Variants in TGFBR2 observed in about 807,000 individuals in gnomAD.
TGFBR2 encodes TGF-beta receptor type-2.
In TGFBR2, 18 loss-of-function variants were observed where a neutral mutation model predicts 49.0. The observed-to-expected ratio is 0.37, with a 90% CI of 0.25 to 0.54. The LOEUF (loss-of-function observed/expected upper bound fraction) is 0.54. TGFBR2 is among the 20% of genes least tolerant of loss of function. The pLI is 0.85. For missense variants in TGFBR2, 525 were observed against 722.6 expected, an observed-to-expected ratio of 0.73 and a Z score of 3.13; for synonymous variants, 282 against 275.9, an observed-to-expected ratio of 1.02 and a Z score of -0.22.
intron 3 of TGFBR2, 109 bp downstream of exon 3, chr3:30,650,569 G>A (rs910731706): frequency 1.7e-6 from 2 of 1,204,238 alleles, no homozygotes; most frequent in Non-Finnish European, 2.4e-6. Context: ...ATTGCATACA[G>A]TGGATTAGGA....
At chr3:30,669,071 T>C (rs1575156283) in intron 3 of TGFBR2, among the ~76,000 whole-genome samples, 1 of 123,922 alleles carries the variant, frequency 8.1e-6, no homozygotes, top group South Asian at 2.5e-4. Context: ...AGGTCAGGAG[T>C]TCAAGACCAG....
chr3:30,678,166 A>G (rs1053753051), intron 5 of TGFBR2, among the ~76,000 whole-genome samples: 1 of 152,094 alleles, frequency 6.6e-6, no homozygotes, highest in Admixed American at 6.6e-5. Flanking sequence ...TTGTGGGATC[A>G]TGGATCAGGG....
chr3:30,651,144 T>G (rs1332133072), intron 3 of TGFBR2, among the ~76,000 whole-genome samples: 1 of 152,216 alleles, frequency 6.6e-6, no homozygotes, highest in Non-Finnish European at 1.5e-5. Context: ...ATTCCCTCAA[T>G]TTTTAATAAG....
chr3:30,639,118 A>G (rs1191644712), intron 1 of TGFBR2, among the ~76,000 whole-genome samples: 1 of 152,226 alleles, frequency 6.6e-6, no homozygotes, highest in East Asian at 1.9e-4. Context: ...ATTTAATTTC[A>G]CTAACTCCAA....
intron 1 of TGFBR2, among the ~76,000 whole-genome samples, chr3:30,620,760 T>C (rs1442275943): frequency 6.6e-6 from 1 of 152,168 alleles, no homozygotes; most frequent in African/African-American, 2.4e-5. Flanking sequence ...TTTCTCTTTA[T>C]GAGTCATAGA....
At chr3:30,656,645 A>G (rs2125416750) in intron 3 of TGFBR2, among the ~76,000 whole-genome samples, 1 of 152,322 alleles carries the variant, frequency 6.6e-6, no homozygotes, top group South Asian at 2.1e-4. Flanking sequence ...GAAGGGAGGC[A>G]TGCTGCTGGA....
intron 1 of TGFBR2, among the ~76,000 whole-genome samples, chr3:30,628,549 T>C: frequency 6.7e-6 from 1 of 148,384 alleles, no homozygotes; most frequent in Non-Finnish European, 1.5e-5. Context: ...TTTTTTTTTT[T>C]TTTTCTCTAA....
At chr3:30,660,057 T>A (rs895864404) in intron 3 of TGFBR2, among the ~76,000 whole-genome samples, 2 of 152,198 alleles carry the variant, frequency 1.3e-5, no homozygotes, top group Non-Finnish European at 2.9e-5. Context: ...GTGGAAAATA[T>A]CAATTTTGCC....
intron 5 of TGFBR2, 29 bp downstream of exon 5, chr3:30,674,275 T>G (rs1420411967): frequency 6.2e-7 from 1 of 1,613,618 alleles, no homozygotes; most frequent in African/African-American, 1.3e-5. Context: ...CATTGTGTAG[T>G]GGTAAACTTG....
Position 30,631,242 on chromosome 3 carries a change from A to G in TGFBR2, c.95-13505A>G, listed in dbSNP as rs578122884. ...TTTTTAGTAGAGACGGGGTTTCGCC[A>G]TATTGGCCAGGATGGTCTTGATTTC... On this transcript the variant is annotated intron_variant, in intron 1 of 6. Coordinates refer to ENST00000295754, the MANE Select transcript of TGFBR2 (RefSeq NM_003242.6). Among the ~76,000 whole-genome samples, 5 of 152,048 alleles carry G rather than the reference A, an allele frequency of 3.3e-5. No homozygotes were observed. The South Asian group carries it at 8.3e-4, about 25-fold the overall frequency.
At chr3:30,614,115 C>T (rs979905471) in intron 1 of TGFBR2, among the ~76,000 whole-genome samples, 43 of 120,592 alleles carry the variant, frequency 3.6e-4, no homozygotes, top group Admixed American at 4.3e-4. Flanking sequence ...TTTTTCTTTC[C>T]TTTTTTTTTT....
chr3:30,664,070 G>A lies in TGFBR2; in HGVS notation c.455-7568G>A, dbSNP rs182123921. Among the ~76,000 whole-genome samples, 390 of 151,912 alleles carry A rather than the reference G, an allele frequency of 2.6e-3. 2 individuals are homozygous for A. The highest frequency in any genetic ancestry group is 9.0e-3 in the African/African-American group (373 of 41,430). On this transcript the variant is annotated intron_variant, in intron 3 of 6. Transcript: ENST00000295754. ...CACCATTATAGCTCACTGCAGTCTT[G>A]AACTTCTGGGCTCGTGATCCTCCTG...
At chr3:30,624,671 A>G (rs551266589) in intron 1 of TGFBR2, among the ~76,000 whole-genome samples, 1 of 152,306 alleles carries the variant, frequency 6.6e-6, no homozygotes, top group East Asian at 1.9e-4. Flanking sequence ...ACTTGCCATC[A>G]TAGAAAGCTA....
At chr3:30,647,256 A>G (rs1698759407) in intron 2 of TGFBR2, among the ~76,000 whole-genome samples, 1 of 152,192 alleles carries the variant, frequency 6.6e-6, no homozygotes, top group South Asian at 2.1e-4. Context: ...TTATTTTGCC[A>G]TAATGTGGTA....
Position 30,672,224 on chromosome 3 carries a change from G to C in TGFBR2, c.1041G>C (p.Leu347=). 1 of 1,609,160 alleles carries C rather than the reference G, an allele frequency of 6.2e-7. No individual in the cohort carries two copies. The highest frequency in any genetic ancestry group is 8.5e-7 in the Non-Finnish European group (1 of 1,176,144). ...LTRHVISWED[L]RKLGSSLARG... ...GGCATGTCATCAGCTGGGAGGACCTGCGCAAGCTGGGCAGCTCCCTCGCCC... is the reference window on the plus strand; with the variant it reads ...GGCATGTCATCAGCTGGGAGGACCTCCGCAAGCTGGGCAGCTCCCTCGCCC... Residue 347 remains leucine (L), a synonymous_variant, in exon 4 of 7, where the codon CTG becomes CTC. Transcript: ENST00000295754. The surrounding 1 kb of genome is among the most constrained non-coding windows in gnomAD (Gnocchi z 4.5).
At chr3:30,617,403 ATT>A (rs1390407638) in intron 1 of TGFBR2, among the ~76,000 whole-genome samples, 3 of 152,174 alleles carry the variant, frequency 2.0e-5, no homozygotes, top group African/African-American at 4.8e-5. Context: ...ATATGATATA[ATT>A]TGTCCTTCAA....
chr3:30,689,732 G>A (rs568871569), intron 6 of TGFBR2, among the ~76,000 whole-genome samples: 1 of 152,192 alleles, frequency 6.6e-6, no homozygotes, highest in Non-Finnish European at 1.5e-5. Flanking sequence ...GAATGTGCTG[G>A]AGTGTTATGT....
rs1699739316 is a variant in TGFBR2, at chr3:30,692,862, G to A, written c.*1263G>A. On this transcript the variant is annotated 3_prime_UTR_variant, in exon 7 of 7. Coordinates refer to ENST00000295754, the MANE Select transcript of TGFBR2 (RefSeq NM_003242.6). ...GGATCCCCAGGTAAGGATAGCAGATGGTTTTCAGTTATCTCCAGTCCACGT... is the reference window on the plus strand; with the variant it reads ...GGATCCCCAGGTAAGGATAGCAGATAGTTTTCAGTTATCTCCAGTCCACGT... 1 of 233,044 alleles carries A rather than the reference G, an allele frequency of 4.3e-6. No individual in the cohort carries two copies. Among genetic ancestry groups the A allele is most frequent in the Non-Finnish European group, 8.5e-6 (1 of 117,916 alleles). The allele number at this position is 233,044 out of a possible 1,614,324, so 14.4% of individuals were successfully genotyped here. A position where few individuals can be genotyped will look rare whatever the true frequency, so the allele number is the denominator to read the frequency against.
At chr3:30,620,835 G>A (rs1170787900) in intron 1 of TGFBR2, among the ~76,000 whole-genome samples, 1 of 152,118 alleles carries the variant, frequency 6.6e-6, no homozygotes, top group Non-Finnish European at 1.5e-5. Context: ...AATGAAGAGT[G>A]CCTGAAGATA....
Sources: allele counts gnomAD v4.1 joint callset (sites outside exome capture counted in the v4.1 genomes callset), GRCh38; gene constraint gnomAD v4.1.1; non-coding constraint Gnocchi (gnomAD v3.1); transcripts MANE v1.5; gene names NCBI Gene and HGNC (gene_info 2026-07-23, HGNC 2026-07-21).